SMARCC1: variants seen among roughly 807,000 people sequenced by gnomAD.
SMARCC1 encodes SWI/SNF complex subunit SMARCC1.
SMARCC1 carries 43 observed loss-of-function variants against 147.4 expected under a neutral mutation model. The observed-to-expected ratio is 0.29, with a 90% CI of 0.23 to 0.38. The LOEUF (loss-of-function observed/expected upper bound fraction) is 0.38. Ranked by LOEUF, SMARCC1 falls within the 10% of genes least tolerant of loss-of-function variation. The probability of loss-of-function intolerance (pLI) is 1.00; values close to 1 mark genes in which losing one functional copy is unlikely to be tolerated. For missense variants in SMARCC1, 1,119 were observed against 1,381.1 expected (o/e 0.81, Z 3.01); for synonymous variants, 495 against 484.4 (o/e 1.02, Z -0.29).
intron 9 of SMARCC1, among the ~76,000 whole-genome samples, chr3:47,709,447 A>G (rs553056815): frequency 6.6e-6 from 1 of 152,162 alleles, no homozygotes; most frequent in South Asian, 2.1e-4. Flanking sequence ...GCACTTTGAG[A>G]GGCCGAGGCA....
At chr3:47,777,860 T>G (rs2034994166) in intron 1 of SMARCC1, among the ~76,000 whole-genome samples, 1 of 152,020 alleles carries the variant, frequency 6.6e-6, no homozygotes, top group South Asian at 2.1e-4. Flanking sequence ...ATAAAATATT[T>G]AATTCTGATT....
chr3:47,594,011 A>G (rs550243120), intron 26 of SMARCC1, among the ~76,000 whole-genome samples: 3 of 152,306 alleles, frequency 2.0e-5, no homozygotes, highest in African/African-American at 7.2e-5. Context: ...CTAAAAATAC[A>G]AAAATTAGCT....
chr3:47,766,485 C>T (rs1344074811), intron 2 of SMARCC1, among the ~76,000 whole-genome samples: 2 of 151,894 alleles, frequency 1.3e-5, no homozygotes, highest in Admixed American at 1.3e-4. Context: ...GAGGATCTAC[C>T]TGAGTCTGGA....
intron 1 of SMARCC1, 89 bp downstream of exon 1, chr3:47,781,514 G>A (rs925268886): frequency 8.8e-6 from 8 of 907,626 alleles, no homozygotes; most frequent in Non-Finnish European, 1.1e-5. Context: ...GCGTGCGGGG[G>A]GGAGGGGCGG....
Position 47,624,776 on chromosome 3 carries a change from C to G in SMARCC1, c.2647-2435G>C, listed in dbSNP as rs568385270. On this transcript the variant is annotated intron_variant, in intron 24 of 27. Coordinates refer to ENST00000254480, the MANE Select transcript of SMARCC1 (RefSeq NM_003074.4). The stretch of plus-strand genomic sequence containing the variant: ...TTCAAAAATAAATTGAGGCTGGGCA[C>G]AGAAGCTCATGCCTACGCCTATAAT... Among the ~76,000 whole-genome samples the G allele has an allele frequency of 2.6e-4, 40 of 151,656 alleles. 1 individual carries two copies. Among genetic ancestry groups the G allele is most frequent in the Admixed American group, 1.3e-3 (19 of 15,176 alleles).
chr3:47,656,075 G>A (rs1022484587), intron 21 of SMARCC1, among the ~76,000 whole-genome samples: 2 of 152,064 alleles, frequency 1.3e-5, no homozygotes, highest in African/African-American at 4.8e-5. Flanking sequence ...GCTGGGCTTG[G>A]TGGTGCGCAC....
intron 14 of SMARCC1, among the ~76,000 whole-genome samples, chr3:47,681,490 T>TA (rs1244081700): frequency 2.0e-5 from 3 of 152,138 alleles, no homozygotes; most frequent in Middle Eastern, 3.4e-3. Flanking sequence ...GGCCTAACAG[T>TA]AAAAAAAGAA....
At chr3:47,761,692 C>T (rs1473594042) in intron 2 of SMARCC1, among the ~76,000 whole-genome samples, 2 of 152,170 alleles carry the variant, frequency 1.3e-5, no homozygotes, top group Non-Finnish European at 2.9e-5. Flanking sequence ...CTCATCCATT[C>T]CACAAAGTCC....
chr3:47,680,026 C>T (rs1226864895), intron 15 of SMARCC1, among the ~76,000 whole-genome samples: 1 of 151,918 alleles, frequency 6.6e-6, no homozygotes, highest in Admixed American at 6.6e-5. Context: ...CATGGTGAAA[C>T]CCCCGTCTCC....
rs34001771 is a variant in SMARCC1 at position 47,755,989 on chromosome 3, TAAAAAAAAAAA to T, written c.316-10007_316-9997del. Among the ~76,000 whole-genome samples, 29 of 22,910 alleles carry T rather than the reference TAAAAAAAAAAA, an allele frequency of 1.3e-3. No individual in the cohort carries two copies. The East Asian group carries it at 0.023, about 18-fold the overall frequency. 15.0% of individuals were successfully genotyped at this position (22,910 alleles called of 152,430 possible). On this transcript the variant is annotated intron_variant, in intron 2 of 27. Coordinates refer to ENST00000254480, the MANE Select transcript of SMARCC1 (RefSeq NM_003074.4). ...CGGGTGACAGAGCCAGGCTTCATCTTAAAAAAAAAAAAAAAAAAAAAAAAAAAAAAAGGCTG... is the reference window on the plus strand; with the variant it reads ...CGGGTGACAGAGCCAGGCTTCATCTTAAAAAAAAAAAAAAAAAAAAGGCTG...
At position 47,699,582 on chromosome 3, in the gene SMARCC1, CTA is replaced by C. The variant is rs996561032; in HGVS notation, c.1165+1694_1165+1695del. Among the ~76,000 whole-genome samples, 5 of 151,950 alleles carry C rather than the reference CTA, an allele frequency of 3.3e-5. No homozygotes were observed. The East Asian group carries it at 5.8e-4, about 18-fold the overall frequency. Reference sequence around the variant, plus strand: ...CCATCTTATACATATGTATATTGCCCTATATGTCTATACATATGTATATTGCT... The same window carrying C: ...CCATCTTATACATATGTATATTGCCCTATGTCTATACATATGTATATTGCT... On this transcript the variant is annotated intron_variant, in intron 11 of 27. Transcript: ENST00000254480.
chr3:47,729,035 T>C lies in SMARCC1; in HGVS notation c.636A>G (p.Ser212=). The part of the protein sequence containing the change: ...ASHHIYPYSS[S]QDDEEWLRPV... ...GCAAAACTAACTTACCATCGTCTTG[T>C]GAGGAAGAATATGGGTAAATGTGGT... The change falls in exon 6 of 28, where the codon TCA becomes TCG. Residue 212 remains serine (S), a synonymous_variant. Coordinates refer to ENST00000254480, the MANE Select transcript of SMARCC1 (RefSeq NM_003074.4). 3.7e-6 allele frequency: 6 copies of C among 1,608,438 alleles called. No individual in the cohort carries two copies. Among genetic ancestry groups the C allele is most frequent in the East Asian group, 2.2e-5 (1 of 44,794 alleles).
Position 47,701,334 on chromosome 3 carries a change from T to A in SMARCC1, c.1109A>T (p.Asp370Val), listed in dbSNP as rs149296545. The change falls in exon 11 of 28, where the codon GAT (aspartate) becomes GTT (valine). Residue 370 changes from aspartate (D) to valine (V), a missense_variant. Asp to Val is a radical substitution (Grantham distance 152). Coordinates refer to ENST00000254480, the MANE Select transcript of SMARCC1 (RefSeq NM_003074.4). ...EEDEQEDLTK[D>V]MEDPTPVPNI... ...GGGTACAGGTGTTGGGTCTTCCATA[T>A]CCTTGGTTAGATCTTCTTGCTCATC... The A allele has an allele frequency of 1.8e-4, 284 of 1,613,366 alleles. 1 individual carries two copies. The highest frequency in any genetic ancestry group is 2.8e-4 in the Admixed American group (17 of 60,004).
intron 21 of SMARCC1, among the ~76,000 whole-genome samples, chr3:47,652,620 T>C (rs2033203540): frequency 1.9e-5 from 1 of 53,610 alleles, no homozygotes; most frequent in Non-Finnish European, 5.2e-5. Flanking sequence ...TTCCTTGCTT[T>C]TGCAAAAAAA....
chr3:47,757,611 T>C (rs192088255), intron 2 of SMARCC1, among the ~76,000 whole-genome samples: 9 of 151,626 alleles, frequency 5.9e-5, no homozygotes, highest in African/African-American at 2.2e-4. Context: ...GGTGAACCCC[T>C]ATCTCTACTA....
intron 3 of SMARCC1, among the ~76,000 whole-genome samples, chr3:47,743,329 C>A (rs1204077856): frequency 6.6e-6 from 1 of 152,192 alleles, no homozygotes; most frequent in Admixed American, 6.6e-5. Context: ...CTGGCACAAT[C>A]TGCATAAAAG....
At chr3:47,637,981 T>C (rs921836260) in intron 22 of SMARCC1, among the ~76,000 whole-genome samples, 4 of 152,212 alleles carry the variant, frequency 2.6e-5, no homozygotes, top group Non-Finnish European at 5.9e-5. Flanking sequence ...TTTCTTAAGA[T>C]TCTTCTGCAG....
At chr3:47,590,074 A>T (rs371964751) in intron 27 of SMARCC1, among the ~76,000 whole-genome samples, 100 of 152,284 alleles carry the variant, frequency 6.6e-4, no homozygotes, top group African/African-American at 2.3e-3. Context: ...GGGAGAAATG[A>T]CCTGGTCTCT....
rs2032085550 is a variant in SMARCC1 at position 47,587,252 on chromosome 3, G to A, written c.*957C>T. The stretch of plus-strand genomic sequence containing the variant: ...TCTACTTTTTTTTTTCTTTTAAAGG[G>A]TTTTTTAAAGAGGGAGAAAAAAATG... On this transcript the variant is annotated 3_prime_UTR_variant, in exon 28 of 28. Transcript: ENST00000254480. The A allele has an allele frequency of 2.6e-5, 4 of 152,366 alleles. No homozygotes were observed. Among genetic ancestry groups the A allele is most frequent in the Non-Finnish European group, 4.4e-5 (3 of 67,988 alleles). 9.4% of individuals were successfully genotyped at this position (152,366 alleles called of 1,614,324 possible).
Sources: gnomAD v4.1 joint callset for allele counts (sites outside exome capture counted in the v4.1 genomes callset) on GRCh38, gnomAD v4.1.1 for gene constraint, MANE v1.5 for transcripts, NCBI Gene and HGNC (gene_info 2026-07-23, HGNC 2026-07-21) for gene names.